BAIAP2L1: variants seen among roughly 807,000 people sequenced by gnomAD.
BAIAP2L1 encodes the protein BAR/IMD domain containing adaptor protein 2 like 1.
Under a neutral mutation model 66.3 loss-of-function variants are expected in BAIAP2L1, and 35 were observed. The observed-to-expected ratio is 0.53, with a 90% confidence interval of 0.40 to 0.70. The LOEUF (loss-of-function observed/expected upper bound fraction) is 0.70, where lower values mean the gene tolerates loss of function less well. BAIAP2L1 is among the 30% of genes least tolerant of loss of function. The probability of loss-of-function intolerance (pLI) is 0.00; values close to 1 mark genes in which losing one functional copy is unlikely to be tolerated. For missense variants in BAIAP2L1, 622 were observed against 656.9 expected, an observed-to-expected ratio of 0.95 and a Z score of 0.58; for synonymous variants, 269 against 248.7, an observed-to-expected ratio of 1.08 and a Z score of -0.77.
chr7:98,329,899 G>A (rs944734657), intron 3 of BAIAP2L1, among the ~76,000 whole-genome samples: 3 of 152,106 alleles, frequency 2.0e-5, no homozygotes, highest in Non-Finnish European at 2.9e-5. Flanking sequence ...GCACAGAGCC[G>A]TAAGTAAGAC....
chr7:98,357,045 ATATATT>A (rs1402489972), intron 2 of BAIAP2L1, among the ~76,000 whole-genome samples: 40 of 15,644 alleles, frequency 2.6e-3, no homozygotes, highest in Admixed American at 0.013. Context: ...ATATATATAT[ATATATT>A]TTTTTTTTTT....
rs1042116595 is a variant in BAIAP2L1, at chr7:98,383,535, C to T, written c.51+17267G>A. ...CTCCAGACCTCAGGTGATCCACCCA[C>T]CTCGGCCTCCCAAAGTGCTGGGATT... On this transcript the variant is annotated intron_variant, in intron 1 of 13. Coordinates refer to ENST00000005260, the MANE Select transcript of BAIAP2L1 (RefSeq NM_018842.5). Among the ~76,000 whole-genome samples the T allele has an allele frequency of 3.3e-5, 5 of 152,132 alleles. No homozygotes were observed. The South Asian group carries it at 1.0e-3, about 32-fold the overall frequency.
chr7:98,328,481 C>T (rs1438096232), intron 3 of BAIAP2L1, among the ~76,000 whole-genome samples: 3 of 151,982 alleles, frequency 2.0e-5, no homozygotes, highest in African/African-American at 7.3e-5. Flanking sequence ...CCACAGGCTT[C>T]GGTGGGTACT....
At chr7:98,295,700 G>A (rs917167482) in intron 12 of BAIAP2L1, among the ~76,000 whole-genome samples, 5 of 152,046 alleles carry the variant, frequency 3.3e-5, no homozygotes, top group African/African-American at 1.2e-4. Flanking sequence ...TCCCTCACAT[G>A]TGCAGCTTAT....
At chr7:98,380,078 CTTTTTT>C (rs113115306) in intron 1 of BAIAP2L1, among the ~76,000 whole-genome samples, 1 of 140,368 alleles carries the variant, frequency 7.1e-6, no homozygotes, top group Non-Finnish European at 1.6e-5. Flanking sequence ...CTCAAAAATG[CTTTTTT>C]TTTTTTTTTG....
At chr7:98,396,847 T>C (rs770499087) in intron 1 of BAIAP2L1, among the ~76,000 whole-genome samples, 6 of 152,304 alleles carry the variant, frequency 3.9e-5, no homozygotes, top group African/African-American at 7.2e-5. Context: ...GGATGGCTGA[T>C]GTTTACTTAG....
chr7:98,370,168 A>G (rs1202240783), intron 1 of BAIAP2L1, among the ~76,000 whole-genome samples: 1 of 152,082 alleles, frequency 6.6e-6, no homozygotes, highest in Non-Finnish European at 1.5e-5. Context: ...CAAGGTCAAG[A>G]GATCGAGACC....
At chr7:98,375,019 G>A (rs111365741) in intron 1 of BAIAP2L1, among the ~76,000 whole-genome samples, 6 of 152,102 alleles carry the variant, frequency 3.9e-5, no homozygotes, top group African/African-American at 9.6e-5. Flanking sequence ...CCCAGGAGGC[G>A]GAGGTTTCAA....
chr7:98,329,713 TA>T (rs36085425), intron 3 of BAIAP2L1, among the ~76,000 whole-genome samples: 25 of 146,864 alleles, frequency 1.7e-4, no homozygotes, highest in Admixed American at 3.4e-4. Context: ...TAAAGGGATT[TA>T]AAAAAAAAAA....
At chr7:98,340,281 G>GT (rs542379970) in intron 3 of BAIAP2L1, among the ~76,000 whole-genome samples, 250 of 152,050 alleles carry the variant, frequency 1.6e-3, no homozygotes, top group African/African-American at 5.5e-3. Context: ...TTCTACATAA[G>GT]TAATATTTAT....
intron 9 of BAIAP2L1, chr7:98,308,172 G>A (rs770923311): frequency 2.2e-5 from 13 of 593,120 alleles, no homozygotes; most frequent in South Asian, 1.8e-4. Flanking sequence ...ACAAGGCGGT[G>A]TGTGCCGGGT....
chr7:98,392,294 G>T (rs1803065165), intron 1 of BAIAP2L1, among the ~76,000 whole-genome samples: 1 of 152,022 alleles, frequency 6.6e-6, no homozygotes, highest in South Asian at 2.1e-4. Flanking sequence ...GCAGTAAGCT[G>T]AGATCGCGCC....
intron 3 of BAIAP2L1, among the ~76,000 whole-genome samples, chr7:98,324,267 A>G (rs1801324652): frequency 6.6e-6 from 1 of 152,260 alleles, no homozygotes; most frequent in Non-Finnish European, 1.5e-5. Context: ...GGAACTCAAC[A>G]TAACTCGAAG....
chr7:98,398,170 C>G (rs1803261753), intron 1 of BAIAP2L1, among the ~76,000 whole-genome samples: 1 of 152,128 alleles, frequency 6.6e-6, no homozygotes, highest in African/African-American at 2.4e-5. Flanking sequence ...TGTTGCATTT[C>G]TATTAGTAAA....
intron 2 of BAIAP2L1, among the ~76,000 whole-genome samples, chr7:98,357,041 ATATATATATTT>A (rs1365312382): frequency 1.7e-4 from 3 of 17,608 alleles, no homozygotes; most frequent in East Asian, 2.5e-3. Flanking sequence ...ATATATATAT[ATATATATATTT>A]TTTTTTTTTT....
chr7:98,386,594 CAG>C, intron 1 of BAIAP2L1: 1 of 1,593,172 alleles, frequency 6.3e-7, no homozygotes. Context: ...TGGTGCTGGT[CAG>C]AGAGCCAAAA....
chr7:98,305,321 T>TA (rs10708312), intron 11 of BAIAP2L1, among the ~76,000 whole-genome samples: 1,893 of 148,188 alleles, frequency 0.013, 35 homozygotes, highest in African/African-American at 0.04. Context: ...AGCTAAGAGT[T>TA]AAAAAAAAAA....
rs531519197 is a variant in BAIAP2L1, at chr7:98,398,655, CCA to C, written c.51+2145_51+2146del. The stretch of plus-strand genomic sequence containing the variant: ...ATACGTATAACCAAAATGATGAAAT[CCA>C]CACTTTTTCCCTGCCGTTTCCGTTC... On this transcript the variant is annotated intron_variant, in intron 1 of 13. Transcript: ENST00000005260. Among the ~76,000 whole-genome samples, 29 of 152,230 alleles carry C rather than the reference CCA, an allele frequency of 1.9e-4. No homozygotes were observed. In the East Asian group the frequency reaches 5.6e-3, roughly 29 times the overall value.
At chr7:98,330,659 A>C (rs1801474396) in intron 3 of BAIAP2L1, among the ~76,000 whole-genome samples, 1 of 152,202 alleles carries the variant, frequency 6.6e-6, no homozygotes, top group East Asian at 1.9e-4. Flanking sequence ...TGTTTCAAAA[A>C]AATAATAATA....
Sources: allele counts gnomAD v4.1 joint callset (sites outside exome capture counted in the v4.1 genomes callset), GRCh38; gene constraint gnomAD v4.1.1; transcripts MANE v1.5; gene names NCBI Gene and HGNC (gene_info 2026-07-23, HGNC 2026-07-21).